Variants in MSH5 observed in about 807,000 individuals in gnomAD.
MSH5 encodes the protein mutS homolog 5.
Under a neutral mutation model 107.7 loss-of-function variants are expected in MSH5, and 78 were observed. The observed-to-expected ratio is 0.72, with a 90% CI of 0.60 to 0.87. The LOEUF is 0.87. Among genes scored for constraint, MSH5 ranks in the 40% least tolerant of loss-of-function variants. The pLI is 0.00. For synonymous variants in MSH5, 326 were observed against 399.5 expected, an observed-to-expected ratio of 0.82 and a Z score of 2.19; for missense variants, 889 against 1,046.6, an observed-to-expected ratio of 0.85 and a Z score of 2.08.
Position 31,760,543 on chromosome 6 carries a change from GA to G in MSH5, c.1813-146del. 8.9e-7 allele frequency: 1 copy of G among 1,121,612 alleles called. No individual in the cohort carries two copies. The highest frequency in any genetic ancestry group is 1.3e-6 in the Non-Finnish European group (1 of 759,684). The allele number at this position is 1,121,612 out of a possible 1,614,324, so 69.5% of individuals were successfully genotyped here. A position where few individuals can be genotyped will look rare whatever the true frequency, so the allele number is the denominator to read the frequency against. ...CACAGGGCTATGGTCAGGATTCGGGGAGGAGAGACAGAGTCAGTGTGTCTGT... is the reference window on the plus strand; with the variant it reads ...CACAGGGCTATGGTCAGGATTCGGGGGGAGAGACAGAGTCAGTGTGTCTGT... On this transcript the variant is annotated intron_variant, in intron 19 of 24. Coordinates refer to ENST00000375750, the MANE Select transcript of MSH5 (RefSeq NM_172166.4). This position sits in a 1 kb window ranked among gnomAD's most constrained non-coding sequence, Gnocchi z 5.6.
intron 5 of MSH5, 23 bp downstream of exon 5, chr6:31,743,193 C>T: frequency 6.2e-7 from 1 of 1,609,982 alleles, no homozygotes; most frequent in Non-Finnish European, 8.5e-7. Context: ...TTTTGCTTTG[C>T]CTAACTCCCT....
intron 10 of MSH5, among the ~76,000 whole-genome samples, chr6:31,750,711 A>T (rs1408675759): frequency 6.6e-6 from 1 of 152,198 alleles, no homozygotes; most frequent in African/African-American, 2.4e-5. Context: ...AGGTACCTGA[A>T]ACCCACCCTT....
chr6:31,760,119 C>A lies in MSH5; in HGVS notation c.1715C>A (p.Thr572Asn). The A allele has an allele frequency of 6.2e-7, 1 of 1,606,976 alleles. No individual in the cohort carries two copies. The highest frequency in any genetic ancestry group is 8.5e-7 in the Non-Finnish European group (1 of 1,176,488). Residue 572 changes from threonine (T) to asparagine (N), a missense_variant, in exon 19 of 25, where the codon ACC becomes AAC. By Grantham distance (65) the Thr-to-Asn change is moderately conservative. Coordinates refer to ENST00000375750, the MANE Select transcript of MSH5 (RefSeq NM_172166.4). The surrounding 1 kb of genome is among the most constrained non-coding windows in gnomAD (Gnocchi z 5.6). ...CCTCTGATGGAACTCTGTGCCCGAA[C>A]CTTTGTGCCCAACTCCACAGAATGT... ...RHPLMELCAR[T>N]FVPNSTECGG...
chr6:31,741,149 T>G lies in MSH5; in HGVS notation c.148-14T>G, dbSNP rs1197312566. 6.2e-7 allele frequency: 1 copy of G among 1,612,478 alleles called. No homozygotes were observed. Among genetic ancestry groups the G allele is most frequent in the Non-Finnish European group, 8.5e-7 (1 of 1,179,802 alleles). On this transcript the variant is annotated splice_polypyrimidine_tract_variant and intron_variant, in intron 2 of 24. Transcript: ENST00000375750. ...TGATTCTAATAGTGATTTCCTTTCT[T>G]CCTTGCTGGACAGATCCATCTGTGT...
In MSH5 at chr6:31,745,372, A is replaced by G. The variant is rs375092546; in HGVS notation, c.766+53A>G. ...ATTACAAAGACCTACCAGAAAAGCAATTGGCTCCAAAGATGTGTCCCAGCC... is the reference window on the plus strand; with the variant it reads ...ATTACAAAGACCTACCAGAAAAGCAGTTGGCTCCAAAGATGTGTCCCAGCC... On this transcript the variant is annotated intron_variant, in intron 9 of 24. Transcript: ENST00000375750. 1,468 of 1,282,040 alleles carry G rather than the reference A, an allele frequency of 1.1e-3. 1 individual carries two copies. Among genetic ancestry groups the G allele is most frequent in the Non-Finnish European group, 1.6e-3 (1,394 of 882,120 alleles). The allele number at this position is 1,282,040 out of a possible 1,614,324, so 79.4% of individuals were successfully genotyped here. A position where few individuals can be genotyped will look rare whatever the true frequency, so the allele number is the denominator to read the frequency against.
intron 12 of MSH5, among the ~76,000 whole-genome samples, chr6:31,754,754 T>TC (rs1491491118): frequency 8.9e-6 from 1 of 111,782 alleles, no homozygotes; most frequent in Non-Finnish European, 1.8e-5. Flanking sequence ...TTCTTTTTTC[T>TC]TTTTTTTTTT....
rs1217823336 is a variant in MSH5, at chr6:31,761,857, T to C, written c.2221T>C (p.Phe741Leu). The C allele has an allele frequency of 6.2e-7, 1 of 1,613,128 alleles. No homozygotes were observed. The highest frequency in any genetic ancestry group is 1.3e-5 in the African/African-American group (1 of 75,036). ...TCEDGNDLVF[F>L]YQVCEGVAKA... ...TGAGGATGGCAACGATCTTGTCTTC[T>C]TCTATCAGGTTTGCGAAGGTGTTGC... The change falls in exon 23 of 25, where the codon TTC (phenylalanine) becomes CTC (leucine). Residue 741 changes from phenylalanine (F) to leucine (L), a missense_variant. Around this residue, in one of 3 missense-constraint regions of MSH5, gnomAD observed 362 missense variants for 456.2 expected, o/e 0.79. Coordinates refer to ENST00000375750, the MANE Select transcript of MSH5 (RefSeq NM_172166.4). The surrounding 1 kb of genome is among the most constrained non-coding windows in gnomAD (Gnocchi z 5.3).
chr6:31,758,182 G>C lies in MSH5; in HGVS notation c.1032G>C (p.Leu344=), dbSNP rs1445904617. The part of the protein sequence containing the change: ...QVLYKTVYSA[L]GLRDACRSLP... ...TCTCACAGACTGTGTACAGTGCCCT[G>C]GGCCTGAGGGATGCCTGCCGCTCCC... The change falls in exon 13 of 25, where the codon CTG becomes CTC. Residue 344 remains leucine (L), a synonymous_variant. Coordinates refer to ENST00000375750, the MANE Select transcript of MSH5 (RefSeq NM_172166.4). This position sits in a 1 kb window ranked among gnomAD's most constrained non-coding sequence, Gnocchi z 5.1. 6.2e-7 allele frequency: 1 copy of C among 1,612,924 alleles called. No individual in the cohort carries two copies. The highest frequency in any genetic ancestry group is 1.3e-5 in the African/African-American group (1 of 74,906).
At chr6:31,749,205 T>C (rs1314881103) in intron 10 of MSH5, among the ~76,000 whole-genome samples, 1 of 152,146 alleles carries the variant, frequency 6.6e-6, no homozygotes, top group Non-Finnish European at 1.5e-5. Flanking sequence ...TAAGCCACTG[T>C]GCCCGGCCTG....
intron 10 of MSH5, 144 bp downstream of exon 10, chr6:31,747,576 C>T (rs912277094): frequency 5.2e-6 from 4 of 765,032 alleles, no homozygotes; most frequent in African/African-American, 1.7e-5. Context: ...TTACTGAGCA[C>T]TGGCTAACTG....
chr6:31,753,627 A>G lies in MSH5; in HGVS notation c.1012A>G (p.Lys338Glu), dbSNP rs771456934. ...TKVSDWQVLYKTVYSALGLRD... is the reference protein window; with the variant it reads ...TKVSDWQVLYETVYSALGLRD... ...GGTCAGCGACTGGCAGGTTCTCTAC[A>G]AGGTAAGGCCTTCCTTCTTGAATCC... The change falls in exon 12 of 25, where the codon AAG becomes GAG. Residue 338 changes from lysine to glutamate, a missense_variant and splice_region_variant. By Grantham distance (56) the Lys-to-Glu change is moderately conservative. Around this residue, in one of 3 missense-constraint regions of MSH5, gnomAD observed 518 missense variants for 565.0 expected, o/e 0.92. Coordinates refer to ENST00000375750, the MANE Select transcript of MSH5 (RefSeq NM_172166.4). 6.8e-6 allele frequency: 11 copies of G among 1,613,984 alleles called. No homozygotes were observed. Among genetic ancestry groups the G allele is most frequent in the African/African-American group, 5.3e-5 (4 of 74,916 alleles).
At position 31,758,563 on chromosome 6, in the gene MSH5, A is replaced by G. The variant is rs1225712829; in HGVS notation, c.1159A>G (p.Ser387Gly). 1.2e-6 allele frequency: 2 copies of G among 1,613,580 alleles called. No homozygotes were observed. The highest frequency in any genetic ancestry group is 2.7e-5 in the African/African-American group (2 of 75,044). ...LIGKVVDFEG[S>G]LAENRFTVLP... ...ATCTCCTCAGGTGGACTTTGAGGGC[A>G]GCCTTGCTGAAAATCGCTTCACAGT... Residue 387 changes from serine to glycine, a missense_variant, in exon 14 of 25, where the codon AGC (serine) becomes GGC (glycine). Ser to Gly is a moderately conservative substitution (Grantham distance 56). Around this residue, in one of 3 missense-constraint regions of MSH5, gnomAD observed 518 missense variants for 565.0 expected, o/e 0.92. Coordinates refer to ENST00000375750, the MANE Select transcript of MSH5 (RefSeq NM_172166.4). This position sits in a 1 kb window ranked among gnomAD's most constrained non-coding sequence, Gnocchi z 5.1.
intron 12 of MSH5, 194 bp downstream of exon 12, chr6:31,753,823 G>T (rs1342421576): frequency 3.6e-6 from 2 of 549,694 alleles, no homozygotes; most frequent in African/African-American, 1.9e-5. Flanking sequence ...CCGCCTCCTG[G>T]GTTCAAGCAA....
In MSH5 at chr6:31,759,219, G is replaced by C; in HGVS notation, c.1407+42G>C. 6.4e-7 allele frequency: 1 copy of C among 1,566,382 alleles called. No homozygotes were observed. ...CTGTAAGGTGAGTGATGAGGAAAAT[G>C]AGTCAGCAGCTGAGGAAGAGCGTTA... On this transcript the variant is annotated intron_variant, in intron 16 of 24. Coordinates refer to ENST00000375750, the MANE Select transcript of MSH5 (RefSeq NM_172166.4). This position sits in a 1 kb window ranked among gnomAD's most constrained non-coding sequence, Gnocchi z 4.7.
rs1810946965 is a variant in MSH5, at chr6:31,761,118, A to G, written c.1963-70A>G. 1.4e-6 allele frequency: 2 copies of G among 1,467,208 alleles called. No homozygotes were observed. The highest frequency in any genetic ancestry group is 1.2e-5 in the South Asian group (1 of 83,834). The allele number at this position is 1,467,208 out of a possible 1,614,324, so 90.9% of individuals were successfully genotyped here. On this transcript the variant is annotated intron_variant, in intron 20 of 24. Transcript: ENST00000375750. This position sits in a 1 kb window ranked among gnomAD's most constrained non-coding sequence, Gnocchi z 5.3. ...AGGGCATGTATACAGCTTTATTCAC[A>G]GGCCAACTGTGGTCAGTGCGTTACG...
In MSH5 at chr6:31,758,185, C is replaced by A; in HGVS notation, c.1035C>A (p.Gly345=). The change falls in exon 13 of 25, where the codon GGC becomes GGA. Residue 345 remains glycine (G), a synonymous_variant. Transcript: ENST00000375750. The surrounding 1 kb of genome is among the most constrained non-coding windows in gnomAD (Gnocchi z 5.1). ...VLYKTVYSAL[G]LRDACRSLPQ... is the part of the protein sequence containing the mutation. ...CACAGACTGTGTACAGTGCCCTGGGCCTGAGGGATGCCTGCCGCTCCCTGC... is the reference window on the plus strand; with the variant it reads ...CACAGACTGTGTACAGTGCCCTGGGACTGAGGGATGCCTGCCGCTCCCTGC... The A allele has an allele frequency of 1.2e-6, 2 of 1,613,076 alleles. No homozygotes were observed.
At position 31,741,181 on chromosome 6, in the gene MSH5, T is replaced by G. The variant is rs1262863691; in HGVS notation, c.166T>G (p.Trp56Gly). The stretch of plus-strand genomic sequence containing the variant: ...TGGACAGATCCATCTGTGTGTGCTG[T>G]GGAATTCAGGATACTTGGGCATTGC... ...ELAEIHLCVLWNSGYLGIAYY... is the reference protein window; with the variant it reads ...ELAEIHLCVLGNSGYLGIAYY... Residue 56 changes from tryptophan to glycine, a missense_variant, in exon 3 of 25, where the codon TGG (tryptophan) becomes GGG (glycine). Physicochemically the swap from Trp to Gly is radical, Grantham distance 184 (BLOSUM62 -2). Coordinates refer to ENST00000375750, the MANE Select transcript of MSH5 (RefSeq NM_172166.4). The G allele has an allele frequency of 6.2e-7, 1 of 1,612,852 alleles. No homozygotes were observed. Among genetic ancestry groups the G allele is most frequent in the Non-Finnish European group, 8.5e-7 (1 of 1,180,014 alleles).
At position 31,762,231 on chromosome 6, in the gene MSH5, T is replaced by C. The variant is rs371207889; in HGVS notation, c.2393+46T>C. On this transcript the variant is annotated intron_variant, in intron 24 of 24. Transcript: ENST00000375750. ...TCTTTACCCTCTCTGCATCTTCTCCTGCAACTCTTCTCCCCTTTTCAGGGA... is the reference window on the plus strand; with the variant it reads ...TCTTTACCCTCTCTGCATCTTCTCCCGCAACTCTTCTCCCCTTTTCAGGGA... 2.9e-4 allele frequency: 456 copies of C among 1,593,314 alleles called. 1 individual carries two copies. Among genetic ancestry groups the C allele is most frequent in the Admixed American group, 9.0e-4 (54 of 59,960 alleles).
intron 10 of MSH5, among the ~76,000 whole-genome samples, chr6:31,749,150 G>A (rs1458897815): frequency 2.0e-5 from 3 of 151,960 alleles, no homozygotes; most frequent in Non-Finnish European, 2.9e-5. Flanking sequence ...TGCTGACCTC[G>A]TGATCTGCCC....
Sources: allele counts gnomAD v4.1 joint callset (sites outside exome capture counted in the v4.1 genomes callset), GRCh38; gene constraint gnomAD v4.1.1; regional missense constraint gnomAD v4.1.1; non-coding constraint Gnocchi (gnomAD v3.1); transcripts MANE v1.5; gene names NCBI Gene and HGNC (gene_info 2026-07-23, HGNC 2026-07-21).